TEC: variants seen among roughly 807,000 people sequenced by gnomAD.
The protein encoded by TEC is tyrosine-protein kinase Tec.
In TEC, 72 loss-of-function variants were observed where a neutral mutation model predicts 93.0. The observed-to-expected ratio is 0.77, with a 90% CI of 0.64 to 0.94. The LOEUF (loss-of-function observed/expected upper bound fraction) is 0.94, where lower values mean the gene tolerates loss of function less well. TEC is among the 40% of genes least tolerant of loss of function. The pLI is 0.00. For missense variants in TEC, 630 were observed against 757.9 expected (o/e 0.83, Z 1.98); for synonymous variants, 249 against 247.7 (o/e 1.01, Z -0.05).
In TEC at chr4:48,174,777, GTAGGTGTAATAT is replaced by G. The variant is rs1446615874; in HGVS notation, c.243+1293_243+1304del. On this transcript the variant is annotated intron_variant, in intron 3 of 17. Coordinates refer to ENST00000381501, the MANE Select transcript of TEC (RefSeq NM_003215.3). ...TTTATCTTACTTCTAGATCCAGGTGGTAGGTGTAATATTAGGTGTAATATTAATAGCAGCAGC... is the reference window on the plus strand; with the variant it reads ...TTTATCTTACTTCTAGATCCAGGTGGTAGGTGTAATATTAATAGCAGCAGC... Among the ~76,000 whole-genome samples, 41 of 152,256 alleles carry G rather than the reference GTAGGTGTAATAT, an allele frequency of 2.7e-4. No homozygotes were observed. The Middle Eastern group carries it at 0.014, about 51-fold the overall frequency.
chr4:48,181,672 C>CA (rs35655873), intron 2 of TEC, among the ~76,000 whole-genome samples: 2,102 of 106,382 alleles, frequency 0.02, 17 homozygotes, highest in Middle Eastern at 0.054. Flanking sequence ...GACTCTGTCT[C>CA]AAAAAAAAAA....
At position 48,224,568 on chromosome 4, in the gene TEC, C is replaced by T. The variant is rs1723378797; in HGVS notation, c.138+3909G>A. On this transcript the variant is annotated intron_variant, in intron 2 of 17. Transcript: ENST00000381501. ...TGCTCTGTGTTATCCTGAATAGGAT[C>T]AAATAATATAAACTTCCAGGAAGAT... 2.6e-5 allele frequency among the ~76,000 whole-genome samples: 4 copies of T among 152,214 alleles called. No individual in the cohort carries two copies. In the South Asian group the frequency reaches 8.3e-4, roughly 32 times the overall value.
intron 2 of TEC, among the ~76,000 whole-genome samples, chr4:48,183,577 C>G (rs1055332785): frequency 1.3e-5 from 2 of 152,238 alleles, no homozygotes; most frequent in Non-Finnish European, 2.9e-5. Flanking sequence ...TTCTCCTGCT[C>G]TCAGACTTTG....
chr4:48,261,924 G>T (rs10938526), intron 1 of TEC, among the ~76,000 whole-genome samples: 57,388 of 151,710 alleles, frequency 0.38, 11,897 homozygotes, highest in Non-Finnish European at 0.47. Flanking sequence ...TCCTCCAAAA[G>T]CCATTCTTTG....
rs10659576 is a variant in TEC at position 48,262,201 on chromosome 4, C to CTTTT, written c.-46+7547_-46+7550dup. Among the ~76,000 whole-genome samples, 10 of 80,208 alleles carry CTTTT rather than the reference C, an allele frequency of 1.2e-4. 2 individuals are homozygous for CTTTT. The highest frequency in any genetic ancestry group is 1.2e-3 in the South Asian group (2 of 1,736). The allele number at this position is 80,208 out of a possible 152,430, so 52.6% of individuals were successfully genotyped here. A position where few individuals can be genotyped will look rare whatever the true frequency, so the allele number is the denominator to read the frequency against. ...CTTGGGTAATTGTGACCAAATGTCT[C>CTTTT]TTTTTTTTTTTTTGAGACGGAGTCT... On this transcript the variant is annotated intron_variant, in intron 1 of 17. Coordinates refer to ENST00000381501, the MANE Select transcript of TEC (RefSeq NM_003215.3).
At chr4:48,177,979 C>T (rs140133415) in intron 2 of TEC, among the ~76,000 whole-genome samples, 117 of 152,300 alleles carry the variant, frequency 7.7e-4, no homozygotes, top group Non-Finnish European at 1.6e-3. Context: ...GTCAATTAAA[C>T]CTCTTTTCTT....
chr4:48,150,511 T>C (rs1032026254), intron 10 of TEC, among the ~76,000 whole-genome samples: 1 of 152,090 alleles, frequency 6.6e-6, no homozygotes, highest in African/African-American at 2.4e-5. Context: ...CTTACTACCA[T>C]CACTCTCTGT....
chr4:48,244,479 A>G (rs1267487934), intron 1 of TEC, among the ~76,000 whole-genome samples: 3 of 152,208 alleles, frequency 2.0e-5, no homozygotes, highest in African/African-American at 7.2e-5. Flanking sequence ...TATCACAAGA[A>G]CAGCATCGGA....
intron 2 of TEC, among the ~76,000 whole-genome samples, chr4:48,219,421 G>C (rs1723182399): frequency 6.6e-6 from 1 of 152,216 alleles, no homozygotes; most frequent in South Asian, 2.1e-4. Flanking sequence ...CAGTCATCCG[G>C]AGGCCTAAAC....
At chr4:48,183,704 T>C (rs1721687195) in intron 2 of TEC, among the ~76,000 whole-genome samples, 5 of 152,206 alleles carry the variant, frequency 3.3e-5, no homozygotes, top group Admixed American at 2.6e-4. Context: ...TGTCTCCACA[T>C]TGCAGATGGC....
intron 2 of TEC, among the ~76,000 whole-genome samples, chr4:48,187,034 G>A (rs566056421): frequency 5.9e-4 from 90 of 152,380 alleles, no homozygotes; most frequent in African/African-American, 2.0e-3. Context: ...GATTGTTACT[G>A]TGTCTGTGTA....
intron 2 of TEC, among the ~76,000 whole-genome samples, chr4:48,213,620 C>T (rs1722980584): frequency 6.6e-6 from 1 of 152,178 alleles, no homozygotes; most frequent in South Asian, 2.1e-4. Flanking sequence ...CTATGGCTAA[C>T]AGTTGGTGTG....
chr4:48,249,043 A>G (rs1291134130), intron 1 of TEC, among the ~76,000 whole-genome samples: 3 of 152,156 alleles, frequency 2.0e-5, no homozygotes, highest in Non-Finnish European at 2.9e-5. Context: ...ATAGAATAAT[A>G]ATGTTTATGA....
intron 2 of TEC, among the ~76,000 whole-genome samples, chr4:48,200,392 A>G (rs1722462175): frequency 6.6e-6 from 1 of 152,138 alleles, no homozygotes; most frequent in South Asian, 2.1e-4. Flanking sequence ...AAATTGGGAT[A>G]ATAATTTCTT....
intron 2 of TEC, among the ~76,000 whole-genome samples, chr4:48,222,494 A>C (rs1723300092): frequency 1.3e-5 from 2 of 151,866 alleles, no homozygotes. Context: ...TGTCAACTTG[A>C]ATGGGCCATG....
At chr4:48,181,792 A>T (rs755415240) in intron 2 of TEC, among the ~76,000 whole-genome samples, 5 of 152,120 alleles carry the variant, frequency 3.3e-5, no homozygotes, top group Non-Finnish European at 7.4e-5. Flanking sequence ...CCCCGAGCCC[A>T]CTTTAACTCC....
chr4:48,148,676 C>T (rs1720021013), intron 11 of TEC, among the ~76,000 whole-genome samples: 1 of 152,146 alleles, frequency 6.6e-6, no homozygotes, highest in Admixed American at 6.6e-5. Context: ...TAAATGTGAA[C>T]TTTTTAAACT....
At chr4:48,190,747 T>C (rs1722064490) in intron 2 of TEC, among the ~76,000 whole-genome samples, 1 of 152,194 alleles carries the variant, frequency 6.6e-6, no homozygotes, top group Non-Finnish European at 1.5e-5. Context: ...TGCTGTCTCC[T>C]GAGACTAATA....
At chr4:48,158,455 T>A (rs1720488060) in intron 8 of TEC, among the ~76,000 whole-genome samples, 2 of 152,140 alleles carry the variant, frequency 1.3e-5, no homozygotes, top group African/African-American at 4.8e-5. Context: ...AGAAATATAG[T>A]AAATTAGGAG....
Sources: gnomAD v4.1 joint callset for allele counts (sites outside exome capture counted in the v4.1 genomes callset) on GRCh38, gnomAD v4.1.1 for gene constraint, MANE v1.5 for transcripts, NCBI Gene and HGNC (gene_info 2026-07-23, HGNC 2026-07-21) for gene names.